Variants in DOCK7 observed in about 807,000 individuals in gnomAD.
DOCK7 encodes dedicator of cytokinesis 7, also known as dedicator of cytokinesis protein 7.
In DOCK7, 138 loss-of-function variants were observed where a neutral mutation model predicts 271.0. The ratio of observed to expected loss-of-function variants is 0.51; its 90% CI spans 0.44 to 0.59. The LOEUF (loss-of-function observed/expected upper bound fraction) is 0.59, where lower values mean the gene tolerates loss of function less well. Ranked by LOEUF, DOCK7 falls within the 20% of genes least tolerant of loss-of-function variation. The pLI is 0.00. For synonymous variants in DOCK7, 823 were observed against 876.1 expected, an observed-to-expected ratio of 0.94 and a Z score of 1.07; for missense variants, 2,066 against 2,592.4, an observed-to-expected ratio of 0.80 and a Z score of 4.41.
At chr1:62,614,109 G>A (rs1200779325) in intron 14 of DOCK7, among the ~76,000 whole-genome samples, 1 of 151,900 alleles carries the variant, frequency 6.6e-6, no homozygotes, top group Non-Finnish European at 1.5e-5. Context: ...GTCTTATCCT[G>A]AAACATTCCT....
At chr1:62,534,550 G>C (rs1448729241) in intron 29 of DOCK7, among the ~76,000 whole-genome samples, 5 of 152,104 alleles carry the variant, frequency 3.3e-5, no homozygotes, top group African/African-American at 1.2e-4. Flanking sequence ...GGGAGGCAGA[G>C]GTTACAGCAG....
At chr1:62,515,703 T>G (rs1229047655) in intron 31 of DOCK7, among the ~76,000 whole-genome samples, 1 of 152,324 alleles carries the variant, frequency 6.6e-6, no homozygotes, top group Admixed American at 6.5e-5. Flanking sequence ...CAGTCAGGTT[T>G]TCCTGGAACT....
At chr1:62,674,678 T>C (rs897813787) in intron 1 of DOCK7, among the ~76,000 whole-genome samples, 1 of 152,188 alleles carries the variant, frequency 6.6e-6, no homozygotes, top group African/African-American at 2.4e-5. Context: ...TGATTTTTTT[T>C]GACAATGGTG....
At chr1:62,484,334 G>A (rs986007785) in intron 43 of DOCK7, 1 of 151,876 alleles carries the variant, frequency 6.6e-6, no homozygotes, top group African/African-American at 2.4e-5. Flanking sequence ...GAGTAGTGGT[G>A]TTCTTTAAAG....
At position 62,479,375 on chromosome 1, in the gene DOCK7, G is replaced by A. The variant is rs150224107; in HGVS notation, c.5509-1550C>T. Among the ~76,000 whole-genome samples, 468 of 152,092 alleles carry A rather than the reference G, an allele frequency of 3.1e-3. 3 individuals are homozygous for A. The highest frequency in any genetic ancestry group is 4.9e-3 in the Admixed American group (75 of 15,286). ...GTATTTGGAGCTAAAGAAAGTTGAG[G>A]CTTCTAATTTAAAAACATTTTTTCA... On this transcript the variant is annotated intron_variant, in intron 43 of 49. Transcript: ENST00000635253.
At chr1:62,595,384 T>C (rs913312027) in intron 14 of DOCK7, among the ~76,000 whole-genome samples, 1 of 152,086 alleles carries the variant, frequency 6.6e-6, no homozygotes, top group Non-Finnish European at 1.5e-5. Context: ...TACGACCCTA[T>C]AAAATAGGTG....
intron 18 of DOCK7, among the ~76,000 whole-genome samples, chr1:62,571,717 C>G (rs1646786879): frequency 6.6e-6 from 1 of 152,160 alleles, no homozygotes; most frequent in African/African-American, 2.4e-5. Context: ...GAATACTACG[C>G]AGCAATAAAA....
chr1:62,546,253 A>G (rs1645703645), intron 22 of DOCK7, among the ~76,000 whole-genome samples: 1 of 152,156 alleles, frequency 6.6e-6, no homozygotes, highest in African/African-American at 2.4e-5. Context: ...CGGCCCAGAC[A>G]TCAGTATTTT....
chr1:62,638,405 C>A (rs928007575), intron 7 of DOCK7: 1 of 151,710 alleles, frequency 6.6e-6, no homozygotes, highest in Non-Finnish European at 1.5e-5. Context: ...GATATCCCTA[C>A]ATTATCTTCT....
intron 9 of DOCK7, chr1:62,634,571 T>A: frequency 2.2e-6 from 1 of 445,786 alleles, no homozygotes; most frequent in East Asian, 3.7e-5. Flanking sequence ...TTCCTATTAG[T>A]TCTGTTTCAC....
intron 4 of DOCK7, among the ~76,000 whole-genome samples, chr1:62,652,232 T>C (rs1319864043): frequency 1.3e-5 from 2 of 152,218 alleles, no homozygotes; most frequent in Non-Finnish European, 2.9e-5. Context: ...CTGAAGCTTT[T>C]GCATGTATCT....
chr1:62,603,867 TA>T, intron 14 of DOCK7: 1 of 1,128,304 alleles, frequency 8.9e-7, no homozygotes, highest in Non-Finnish European at 1.3e-6. Context: ...GATTCAAGAC[TA>T]AACAACTCAA....
chr1:62,467,637 T>G (rs545637908), intron 48 of DOCK7, among the ~76,000 whole-genome samples: 29 of 152,246 alleles, frequency 1.9e-4, no homozygotes, highest in African/African-American at 6.7e-4. Flanking sequence ...AATTATGATA[T>G]CCATACAGAT....
intron 29 of DOCK7, among the ~76,000 whole-genome samples, chr1:62,534,932 A>G (rs1645293590): frequency 6.6e-6 from 1 of 151,994 alleles, no homozygotes; most frequent in Non-Finnish European, 1.5e-5. Context: ...CTCTACTACA[A>G]AAAGAAAAAT....
chr1:62,458,351 T>C (rs1446099952), intron 48 of DOCK7: 2 of 152,152 alleles, frequency 1.3e-5, no homozygotes, highest in African/African-American at 4.8e-5. Flanking sequence ...GATAATCAAC[T>C]GAGTTCCTGT....
intron 7 of DOCK7, among the ~76,000 whole-genome samples, chr1:62,644,456 G>C (rs1278166326): frequency 6.6e-6 from 1 of 152,184 alleles, no homozygotes; most frequent in Non-Finnish European, 1.5e-5. Context: ...TGCATGCCAA[G>C]CTCTTTCCCT....
chr1:62,533,559 GCA>G (rs987629698), intron 29 of DOCK7, among the ~76,000 whole-genome samples: 151 of 141,184 alleles, frequency 1.1e-3, no homozygotes, highest in African/African-American at 3.4e-3. Flanking sequence ...TCCAAAGTCT[GCA>G]CACACACTGC....
rs1245890504 is a variant in DOCK7, at chr1:62,513,910, G to A, written c.3937-12C>T. ...TGTTGCCTGCCACTCTGAAAATAAA[G>A]AGCAGTAGAATGAGACAGATTGATC... On this transcript the variant is annotated splice_polypyrimidine_tract_variant and intron_variant, in intron 31 of 49. Transcript: ENST00000635253. 1 of 1,609,496 alleles carries A rather than the reference G, an allele frequency of 6.2e-7. No individual in the cohort carries two copies. The highest frequency in any genetic ancestry group is 1.1e-5 in the South Asian group (1 of 90,004).
chr1:62,553,032 C>CTTTTTTT (rs66892340), intron 21 of DOCK7, 131 bp from the exon 22 acceptor site: 13 of 168,364 alleles, frequency 7.7e-5, no homozygotes, highest in Non-Finnish European at 1.1e-4. Context: ...AAAAAATATA[C>CTTTTTTT]TTTTTTTTTT....
Sources: allele counts gnomAD v4.1 joint callset (sites outside exome capture counted in the v4.1 genomes callset), GRCh38; gene constraint gnomAD v4.1.1; transcripts MANE v1.5; gene names NCBI Gene and HGNC (gene_info 2026-07-23, HGNC 2026-07-21).